The following SLC35F1 variants were observed in gnomAD, a reference collection of about 807,000 sequenced individuals.
SLC35F1 encodes chromosome 6 open reading frame 169.
Under a neutral mutation model 48.7 loss-of-function variants are expected in SLC35F1, and 14 were observed. The observed-to-expected ratio is 0.29, with a 90% confidence interval of 0.19 to 0.45. SLC35F1 has a LOEUF of 0.45. SLC35F1 is among the 20% of genes least tolerant of loss of function. SLC35F1 has a pLI of 1.00. For synonymous variants in SLC35F1, 190 were observed against 202.2 expected (o/e 0.94, Z 0.51); for missense variants, 404 against 500.0 (o/e 0.81, Z 1.83).
At chr6:118,005,024 T>G (rs115299338) in intron 1 of SLC35F1, among the ~76,000 whole-genome samples, 1,556 of 152,174 alleles carry the variant, frequency 0.01, 31 homozygotes, top group African/African-American at 0.036. Flanking sequence ...ACAGGCATGC[T>G]AGGATATGAA....
intron 3 of SLC35F1, among the ~76,000 whole-genome samples, chr6:118,249,410 A>G (rs755340855): frequency 7.2e-5 from 11 of 152,256 alleles, no homozygotes; most frequent in African/African-American, 2.4e-4. Context: ...TGTCTGCCCA[A>G]ATAGATGCAC....
At chr6:118,271,892 T>C (rs1209106365) in intron 4 of SLC35F1, among the ~76,000 whole-genome samples, 1 of 152,166 alleles carries the variant, frequency 6.6e-6, no homozygotes, top group African/African-American at 2.4e-5. Context: ...TGCTAAGCAT[T>C]TTACATGTCA....
intron 1 of SLC35F1, among the ~76,000 whole-genome samples, chr6:117,909,897 C>T (rs1775741733): frequency 6.6e-6 from 1 of 152,154 alleles, no homozygotes; most frequent in Admixed American, 6.5e-5. Context: ...GACGGCATTT[C>T]ATCGCAGGTA....
At chr6:117,940,665 G>A (rs1439068384) in intron 1 of SLC35F1, among the ~76,000 whole-genome samples, 1 of 151,376 alleles carries the variant, frequency 6.6e-6, no homozygotes, top group African/African-American at 2.4e-5. Context: ...GTGTGTGTGT[G>A]TGTGACAGGG....
chr6:118,240,062 A>G (rs1775417514), intron 3 of SLC35F1, among the ~76,000 whole-genome samples: 1 of 152,184 alleles, frequency 6.6e-6, no homozygotes. Flanking sequence ...TATGTGTTTT[A>G]CTCATATTAA....
rs144099933 is a variant in SLC35F1, at chr6:117,993,889, T to G, written c.173+85990T>G. On this transcript the variant is annotated intron_variant, in intron 1 of 7. Transcript: ENST00000360388. ...GTGTGTTCATTTTCTATCACTGCCA[T>G]AGCAAATTACCACATACTTAGTGAC... Among the ~76,000 whole-genome samples, 158 of 152,308 alleles carry G rather than the reference T, an allele frequency of 1.0e-3. 2 individuals are homozygous for G. The East Asian group carries it at 0.027, about 26-fold the overall frequency.
At chr6:118,240,432 A>G (rs950249970) in intron 3 of SLC35F1, among the ~76,000 whole-genome samples, 1 of 152,236 alleles carries the variant, frequency 6.6e-6, no homozygotes, top group African/African-American at 2.4e-5. Context: ...TTGGAGAACA[A>G]TTATTTTCAT....
intron 1 of SLC35F1, among the ~76,000 whole-genome samples, chr6:118,128,279 A>G (rs1488487917): frequency 2.0e-5 from 3 of 147,530 alleles, no homozygotes; most frequent in African/African-American, 7.5e-5. Context: ...TAGAACTAGA[A>G]ATACCATTTG....
chr6:117,999,975 A>G (rs1332063967), intron 1 of SLC35F1, among the ~76,000 whole-genome samples: 2 of 151,654 alleles, frequency 1.3e-5, no homozygotes, highest in Non-Finnish European at 3.0e-5. Context: ...CCAACCAAAA[A>G]GAGTCCAGGA....
intron 1 of SLC35F1, among the ~76,000 whole-genome samples, chr6:117,941,357 A>G (rs1776230495): frequency 6.6e-6 from 1 of 152,188 alleles, no homozygotes; most frequent in Non-Finnish European, 1.5e-5. Flanking sequence ...GTCCTTCCAC[A>G]TTGTGTACAT....
At chr6:118,027,801 G>A (rs775759866) in intron 1 of SLC35F1, among the ~76,000 whole-genome samples, 3 of 151,954 alleles carry the variant, frequency 2.0e-5, no homozygotes, top group Admixed American at 6.6e-5. Context: ...AAAGATTTTG[G>A]TTTGATGAAG....
Position 118,154,638 on chromosome 6 carries a change from C to T in SLC35F1, c.349+18C>T. The T allele has an allele frequency of 6.3e-7, 1 of 1,583,426 alleles. No individual in the cohort carries two copies. Among genetic ancestry groups the T allele is most frequent in the Non-Finnish European group, 8.6e-7 (1 of 1,163,928 alleles). On this transcript the variant is annotated intron_variant, in intron 2 of 7. Coordinates refer to ENST00000360388, the MANE Select transcript of SLC35F1 (RefSeq NM_001029858.4). ...CAGACAAGGTAAGCTCACAAAAGCACCAGGAATATAACTTTTACAAACACC... is the reference window on the plus strand; with the variant it reads ...CAGACAAGGTAAGCTCACAAAAGCATCAGGAATATAACTTTTACAAACACC...
chr6:118,233,613 G>A (rs752542228), intron 2 of SLC35F1, among the ~76,000 whole-genome samples: 18 of 152,130 alleles, frequency 1.2e-4, no homozygotes, highest in Non-Finnish European at 2.2e-4. Context: ...GTATGCTAGA[G>A]GCTATGGATA....
At chr6:117,986,178 T>C (rs991734864) in intron 1 of SLC35F1, among the ~76,000 whole-genome samples, 4 of 152,210 alleles carry the variant, frequency 2.6e-5, no homozygotes, top group African/African-American at 9.6e-5. Context: ...CCAGTTCTCA[T>C]TTCCTGGGAG....
chr6:118,015,270 G>T (rs1777305079), intron 1 of SLC35F1, among the ~76,000 whole-genome samples: 2 of 152,068 alleles, frequency 1.3e-5, no homozygotes, highest in African/African-American at 4.8e-5. Context: ...AGCTGGTCTT[G>T]GTTGATCCTC....
chr6:118,269,508 A>G (rs1582761918), intron 4 of SLC35F1, among the ~76,000 whole-genome samples: 1 of 152,328 alleles, frequency 6.6e-6, no homozygotes, highest in South Asian at 2.1e-4. Context: ...CTATAAAAAT[A>G]TTAAAGTAGG....
intron 1 of SLC35F1, among the ~76,000 whole-genome samples, chr6:118,024,100 A>G (rs547269623): frequency 6.6e-6 from 1 of 152,256 alleles, no homozygotes; most frequent in Non-Finnish European, 1.5e-5. Flanking sequence ...TAATTTAGAG[A>G]TAAGTGATTA....
chr6:118,299,553 T>C (rs1236986445), intron 7 of SLC35F1, among the ~76,000 whole-genome samples: 2 of 152,202 alleles, frequency 1.3e-5, no homozygotes, highest in Non-Finnish European at 2.9e-5. Flanking sequence ...GATATAGTAA[T>C]ATACAAATCA....
intron 1 of SLC35F1, among the ~76,000 whole-genome samples, chr6:117,938,734 G>A (rs1776191255): frequency 6.6e-6 from 1 of 152,204 alleles, no homozygotes; most frequent in Admixed American, 6.5e-5. Context: ...GAGTTGAGTG[G>A]GATGGCTTTG....
Sources: gnomAD v4.1 joint callset for allele counts (sites outside exome capture counted in the v4.1 genomes callset) on GRCh38, gnomAD v4.1.1 for gene constraint, MANE v1.5 for transcripts, NCBI Gene and HGNC (gene_info 2026-07-23, HGNC 2026-07-21) for gene names.